The following MYH16 variants were observed in gnomAD, a reference collection of about 807,000 sequenced individuals.
MYH16 encodes the protein myosin heavy chain 16, also known as putative uncharacterized protein MYH16.
chr7:99,277,815 C>T (rs1562780414), intron 21 of MYH16, 103 bp downstream of exon 3: 1 of 362,332 alleles, frequency 2.8e-6, no homozygotes, highest in Non-Finnish European at 5.4e-6. Context: ...CTCCAGACCA[C>T]GGGAAATTCT....
downstream of MYH16, among the ~76,000 whole-genome samples, chr7:99,309,170 G>A (rs1792722929): frequency 6.6e-6 from 1 of 152,010 alleles, no homozygotes; most frequent in Admixed American, 6.6e-5. Flanking sequence ...GATTAATCAG[G>A]GCAGCAAAAA....
At chr7:99,253,806 C>A in exon 8 of MYH16, 1 of 204,392 alleles carries the variant, frequency 4.9e-6, no homozygotes, top group East Asian at 1.1e-4. Context: ...TTCTCTCAAA[C>A]AAGAAGCCTG....
At chr7:99,281,837 AGG>A (rs1792202411) in intron 23 of MYH16, among the ~76,000 whole-genome samples, 1 of 152,138 alleles carries the variant, frequency 6.6e-6, no homozygotes, top group Non-Finnish European at 1.5e-5. Context: ...CCAGAGAAAC[AGG>A]GGCAAAGAGC....
intron 17 of MYH16, among the ~76,000 whole-genome samples, chr7:99,266,640 C>A (rs1020231969): frequency 2.0e-5 from 3 of 152,202 alleles, no homozygotes; most frequent in Admixed American, 2.0e-4. Context: ...CCTCCCTGTA[C>A]CCCCAACCCA....
downstream of MYH16, among the ~76,000 whole-genome samples, chr7:99,308,681 T>C (rs1018608626): frequency 2.6e-5 from 4 of 152,156 alleles, no homozygotes; most frequent in African/African-American, 9.7e-5. Flanking sequence ...GCATCTGTGA[T>C]TTAGCAAGCC....
At chr7:99,304,502 GACAAGGCCTC>G (rs1198130541) in intron 39 of MYH16, 74 bp from the exon 21 acceptor site, 1 of 152,354 alleles carries the variant, frequency 6.6e-6, no homozygotes, top group Admixed American at 6.5e-5. Flanking sequence ...GAGACCGGGA[GACAAGGCCTC>G]ACATCTCTCA....
chr7:99,293,898 T>C (rs917326416), intron 32 of MYH16, 120 bp from the exon 14 acceptor site: 2 of 332,366 alleles, frequency 6.0e-6, no homozygotes, highest in African/African-American at 4.4e-5. Context: ...CTCTGCATCG[T>C]TTCCAATGTT....
intron 20 of MYH16, among the ~76,000 whole-genome samples, chr7:99,275,571 T>C (rs137944986): frequency 1.3e-5 from 2 of 152,376 alleles, no homozygotes; most frequent in East Asian, 1.9e-4. Flanking sequence ...AGGGTGTCTA[T>C]GCTTGAATGC....
At chr7:99,273,219 G>C in intron 19 of MYH16, 123 bp from the exon 2 acceptor site, 5 of 411,198 alleles carry the variant, frequency 1.2e-5, no homozygotes, top group South Asian at 8.9e-5. Flanking sequence ...TCTCGAGAAG[G>C]CACTTTGGTG....
chr7:99,240,882 G>A (rs1380679987), intron 1 of MYH16, among the ~76,000 whole-genome samples: 1 of 151,784 alleles, frequency 6.6e-6, no homozygotes, highest in Non-Finnish European at 1.5e-5. Context: ...GATCAGAACT[G>A]GCAACAGCTG....
chr7:99,268,676 T>C (rs1792015981), intron 18 of MYH16, among the ~76,000 whole-genome samples: 1 of 152,250 alleles, frequency 6.6e-6, no homozygotes, highest in East Asian at 1.9e-4. Context: ...GGTGTTCCTA[T>C]GTTTGGAGTT....
At chr7:99,266,204 A>T (rs1791985635) in intron 17 of MYH16, among the ~76,000 whole-genome samples, 1 of 152,202 alleles carries the variant, frequency 6.6e-6, no homozygotes, top group African/African-American at 2.4e-5. Context: ...TGATCCCAGC[A>T]GCATTAAGCT....
chr7:99,273,849 CAGAGAGGAAAGGAAGGG>C (rs1174848426), intron 20 of MYH16, among the ~76,000 whole-genome samples: 58 of 101,364 alleles, frequency 5.7e-4, no homozygotes, highest in African/African-American at 1.1e-3. Flanking sequence ...GAAAGGAAGA[CAGAGAGGAAAGGAAGGG>C]AGAGAGGAAA....
chr7:99,255,641 A>G (rs938984125), exon 9 of MYH16: 2 of 153,008 alleles, frequency 1.3e-5, no homozygotes, highest in Admixed American at 6.5e-5. Flanking sequence ...AGGCGTCACC[A>G]CTGTGGACAA....
rs746880603 is a variant in MYH16 at position 99,292,289 on chromosome 7, G to A, written n.3953-23G>A. The A allele has an allele frequency of 6.4e-5, 29 of 451,376 alleles. 1 individual carries two copies. The highest frequency in any genetic ancestry group is 1.6e-4 in the South Asian group (10 of 64,452). The allele number at this position is 451,376 out of a possible 1,614,324, so 28.0% of individuals were successfully genotyped here. A position where few individuals can be genotyped will look rare whatever the true frequency, so the allele number is the denominator to read the frequency against. The stretch of plus-strand genomic sequence containing the variant: ...CGGGCTGTGGAAAGCCCCCACGGGC[G>A]CCTGACAGGCTGGTCCCCACAGTCT... On this transcript the variant is annotated intron_variant and non_coding_transcript_variant, in intron 31 of 41. Coordinates refer to ENST00000439784, the Ensembl canonical transcript of MYH16.
chr7:99,247,742 T>G (rs767745589), exon 3 of MYH16: 3 of 175,790 alleles, frequency 1.7e-5, no homozygotes, highest in Admixed American at 1.7e-4. Context: ...TACCACGACA[T>G]GCTTATGGGT....
At chr7:99,282,243 C>T (rs182568423) in intron 23 of MYH16, among the ~76,000 whole-genome samples, 177 of 152,242 alleles carry the variant, frequency 1.2e-3, no homozygotes, top group African/African-American at 4.0e-3. Flanking sequence ...CCAGGCAGGC[C>T]TCGAACTCCT....
At chr7:99,307,659 G>A (rs1792700975), downstream of MYH16, among the ~76,000 whole-genome samples, 1 of 151,916 alleles carries the variant, frequency 6.6e-6, no homozygotes, top group South Asian at 2.1e-4. Flanking sequence ...AGGAGTCTGA[G>A]GTTACAATGA....
chr7:99,299,073 TAAAAAA>T (rs1562787154), intron 36 of MYH16, among the ~76,000 whole-genome samples: 2 of 132,694 alleles, frequency 1.5e-5, no homozygotes, highest in African/African-American at 7.4e-5. Flanking sequence ...AAAAAAAAAA[TAAAAAA>T]TAAAAATAAA....
Sources: gnomAD v4.1 joint callset for allele counts (sites outside exome capture counted in the v4.1 genomes callset) on GRCh38, gnomAD v4.1.1 for gene constraint, MANE v1.5 for transcripts, NCBI Gene and HGNC (gene_info 2026-07-23, HGNC 2026-07-21) for gene names.